Variants in SYCP1 observed in about 807,000 individuals in gnomAD.
SYCP1 encodes the protein cancer/testis antigen 8.
A neutral mutation model predicts 153.1 loss-of-function variants in SYCP1; 64 were observed. The ratio of observed to expected loss-of-function variants is 0.42; its 90% CI spans 0.34 to 0.51. The LOEUF (loss-of-function observed/expected upper bound fraction) is 0.51. SYCP1 is among the 20% of genes least tolerant of loss of function. The pLI, the probability that SYCP1 is intolerant of heterozygous loss-of-function variation, is 0.06. For synonymous variants in SYCP1, 384 were observed against 341.8 expected, an observed-to-expected ratio of 1.12 and a Z score of -1.36; for missense variants, 997 against 1,049.0, an observed-to-expected ratio of 0.95 and a Z score of 0.68.
At chr1:114,863,229 T>C (rs559931060) in intron 8 of SYCP1, 1 of 152,290 alleles carries the variant, frequency 6.6e-6, no homozygotes, top group East Asian at 1.9e-4. Context: ...TCCACAATGG[T>C]TGAACTAATT....
At chr1:114,920,902 AG>A (rs1668822841) in intron 20 of SYCP1, among the ~76,000 whole-genome samples, 1 of 152,106 alleles carries the variant, frequency 6.6e-6, no homozygotes, top group African/African-American at 2.4e-5. Context: ...GTTAGGCAAC[AG>A]CCTGTTGGGT....
At chr1:114,899,885 G>A in intron 16 of SYCP1, among the ~76,000 whole-genome samples, 1 of 152,318 alleles carries the variant, frequency 6.6e-6, no homozygotes, top group South Asian at 2.1e-4. Context: ...CCTGGCGTCA[G>A]GAAAGGCAAT....
At chr1:114,908,952 A>G (rs1668003542) in intron 16 of SYCP1, among the ~76,000 whole-genome samples, 1 of 152,116 alleles carries the variant, frequency 6.6e-6, no homozygotes, top group Non-Finnish European at 1.5e-5. Flanking sequence ...ATTCTGTTAC[A>G]TTCTTCTGAA....
chr1:114,935,246 A>G (rs976614502), intron 23 of SYCP1, among the ~76,000 whole-genome samples: 2 of 152,178 alleles, frequency 1.3e-5, no homozygotes, highest in African/African-American at 4.8e-5. Flanking sequence ...ACTCAGGATT[A>G]AGAAACTCAC....
chr1:114,855,684 T>G, intron 2 of SYCP1, 112 bp downstream of exon 2: 1 of 807,068 alleles, frequency 1.2e-6, no homozygotes, highest in Non-Finnish European at 1.9e-6. Context: ...ATAAATGGTC[T>G]CATTTACCCA....
At chr1:114,964,142 T>A (rs1671954292) in intron 27 of SYCP1, among the ~76,000 whole-genome samples, 1 of 152,234 alleles carries the variant, frequency 6.6e-6, no homozygotes, top group Non-Finnish European at 1.5e-5. Context: ...GAGCTTTTTT[T>A]TCATGTTTGT....
At position 114,944,958 on chromosome 1, in the gene SYCP1, G is replaced by T. The variant is rs1480616771; in HGVS notation, c.2130G>T (p.Met710Ile). 1.3e-6 allele frequency: 2 copies of T among 1,591,770 alleles called. No individual in the cohort carries two copies. Among genetic ancestry groups the T allele is most frequent in the Non-Finnish European group, 1.7e-6 (2 of 1,171,540 alleles). The part of the protein sequence containing the change: ...DKRCQHKIAE[M>I]VALMEKHKHQ... The stretch of plus-strand genomic sequence containing the variant: ...GATGTCAACATAAAATAGCTGAAAT[G>T]GTAGCACTTATGGAAAAACATAAGG... The change falls in exon 25 of 32, where the codon ATG becomes ATT. Residue 710 changes from methionine to isoleucine, a missense_variant. This residue lies in a region of SYCP1 where 712 missense variants were observed against 682.9 expected (regional missense o/e 1.04). Coordinates refer to ENST00000369522, the MANE Select transcript of SYCP1 (RefSeq NM_003176.4).
intron 28 of SYCP1, among the ~76,000 whole-genome samples, chr1:114,980,594 G>A (rs1673085495): frequency 6.6e-6 from 1 of 151,866 alleles, no homozygotes; most frequent in African/African-American, 2.4e-5. Context: ...AAAAGAAGAA[G>A]TATCAATGTA....
At chr1:114,922,526 C>T (rs1446413756) in intron 20 of SYCP1, among the ~76,000 whole-genome samples, 1 of 152,026 alleles carries the variant, frequency 6.6e-6, no homozygotes, top group Non-Finnish European at 1.5e-5. Context: ...GTGGGGAGGA[C>T]ACACTTTTAA....
intron 27 of SYCP1, among the ~76,000 whole-genome samples, chr1:114,966,393 A>T (rs1346767077): frequency 6.6e-6 from 1 of 151,498 alleles, no homozygotes; most frequent in Non-Finnish European, 1.5e-5. Flanking sequence ...CCAGCTTTTG[A>T]ATCTGTTTGT....
In SYCP1 at chr1:114,994,980, A is replaced by G. The variant is rs1446075129; in HGVS notation, c.2892A>G (p.Arg964=). ...DRWAVIAKMD[R]KKKLKEAEKL... is the part of the protein sequence containing the mutation. The stretch of plus-strand genomic sequence containing the variant: ...GGGCTGTAATTGCTAAAATGGATAG[A>G]AAAAAAAAACTAAAAGAAGCTGAAA... Residue 964 remains arginine, a synonymous_variant, in exon 32 of 32, where the codon AGA becomes AGG. Transcript: ENST00000369522. 5 of 1,548,282 alleles carry G rather than the reference A, an allele frequency of 3.2e-6. No homozygotes were observed. The highest frequency in any genetic ancestry group is 2.3e-5 in the East Asian group (1 of 43,784).
intron 21 of SYCP1, among the ~76,000 whole-genome samples, chr1:114,924,633 T>TTA (rs1349148544): frequency 6.6e-6 from 1 of 151,980 alleles, no homozygotes; most frequent in Admixed American, 6.6e-5. Flanking sequence ...AACATAAACA[T>TTA]TATATGGGTA....
intron 23 of SYCP1, among the ~76,000 whole-genome samples, chr1:114,933,167 C>T (rs928558752): frequency 2.0e-5 from 3 of 152,178 alleles, no homozygotes; most frequent in African/African-American, 2.4e-5. Flanking sequence ...ACTGACACCT[C>T]ACATGGCTGG....
intron 21 of SYCP1, among the ~76,000 whole-genome samples, chr1:114,924,892 T>A (rs1669154702): frequency 2.0e-5 from 3 of 152,082 alleles, no homozygotes; most frequent in African/African-American, 7.2e-5. Flanking sequence ...ATATTTACAC[T>A]TTTGAGAGCT....
chr1:114,864,484 T>C (rs1424787665), intron 8 of SYCP1, among the ~76,000 whole-genome samples: 1 of 151,912 alleles, frequency 6.6e-6, no homozygotes, highest in African/African-American at 2.4e-5. Flanking sequence ...TTTTCTTTCT[T>C]TCTTTTCTTT....
chr1:114,935,956 C>T lies in SYCP1; in HGVS notation c.1927-8383C>T, dbSNP rs148759879. On this transcript the variant is annotated intron_variant, in intron 23 of 31. Coordinates refer to ENST00000369522, the MANE Select transcript of SYCP1 (RefSeq NM_003176.4). ...GTCCAGGACCAGACGGAGTCACAGCCGAATTCTACCAGAGGTACAAACAGA... is the reference window on the plus strand; with the variant it reads ...GTCCAGGACCAGACGGAGTCACAGCTGAATTCTACCAGAGGTACAAACAGA... Among the ~76,000 whole-genome samples, 940 of 152,206 alleles carry T rather than the reference C, an allele frequency of 6.2e-3. 14 individuals carry two copies. Among genetic ancestry groups the T allele is most frequent in the African/African-American group, 0.021 (879 of 41,514 alleles).
intron 12 of SYCP1, among the ~76,000 whole-genome samples, chr1:114,880,811 G>A (rs1665869053): frequency 6.6e-6 from 1 of 151,922 alleles, no homozygotes; most frequent in South Asian, 2.1e-4. Context: ...TGTTTCCAGC[G>A]TGAGAGTTGG....
intron 27 of SYCP1, among the ~76,000 whole-genome samples, chr1:114,967,926 C>G (rs1477355421): frequency 6.6e-6 from 1 of 152,044 alleles, no homozygotes; most frequent in African/African-American, 2.4e-5. Context: ...ATTTTATTTT[C>G]CTTCACTTTA....
chr1:114,947,133 G>C (rs1670759156), intron 26 of SYCP1, 113 bp from the exon 27 acceptor site: 1 of 791,788 alleles, frequency 1.3e-6, no homozygotes, highest in Admixed American at 2.8e-5. Context: ...TACATTTTAT[G>C]AGTGAATTTA....
Sources: gnomAD v4.1 joint callset for allele counts (sites outside exome capture counted in the v4.1 genomes callset) on GRCh38, gnomAD v4.1.1 for gene constraint, gnomAD v4.1.1 regional missense constraint, MANE v1.5 for transcripts, NCBI Gene and HGNC (gene_info 2026-07-23, HGNC 2026-07-21) for gene names.